The following EXT1 variants were observed in gnomAD, a reference collection of about 807,000 sequenced individuals.
EXT1 encodes the protein exostosin-1.
Under a neutral mutation model 82.5 loss-of-function variants are expected in EXT1, and 20 were observed. That is an observed-to-expected ratio of 0.24 (90% CI 0.17 to 0.35). The LOEUF (loss-of-function observed/expected upper bound fraction) is 0.35. EXT1 is among the 10% of genes least tolerant of loss of function. The pLI is 1.00. For synonymous variants in EXT1, 348 were observed against 350.8 expected (o/e 0.99, Z 0.09); for missense variants, 757 against 936.5 (o/e 0.81, Z 2.50).
chr8:117,944,268 C>T (rs559513566), intron 1 of EXT1, among the ~76,000 whole-genome samples: 2 of 152,180 alleles, frequency 1.3e-5, no homozygotes, highest in South Asian at 2.1e-4. Flanking sequence ...GGTGTGGTGG[C>T]GGGCACATGT....
At chr8:118,082,466 A>C (rs761648650) in intron 1 of EXT1, among the ~76,000 whole-genome samples, 3 of 152,164 alleles carry the variant, frequency 2.0e-5, no homozygotes, top group Non-Finnish European at 4.4e-5. Context: ...GAAAATTCTA[A>C]ATTTATTTTC....
At chr8:117,955,317 C>T (rs1814566068) in intron 1 of EXT1, among the ~76,000 whole-genome samples, 1 of 152,180 alleles carries the variant, frequency 6.6e-6, no homozygotes, top group African/African-American at 2.4e-5. Flanking sequence ...CAGCCCCTCT[C>T]TCCTCCCTGG....
At chr8:118,059,109 T>G (rs1816841283) in intron 1 of EXT1, among the ~76,000 whole-genome samples, 1 of 152,196 alleles carries the variant, frequency 6.6e-6, no homozygotes, top group Non-Finnish European at 1.5e-5. Flanking sequence ...TACACCTACT[T>G]TGGCCTGGCC....
In EXT1 at chr8:117,970,951, T is replaced by G. The variant is rs1814927317; in HGVS notation, c.963-133750A>C. Among the ~76,000 whole-genome samples the G allele has an allele frequency of 2.0e-5, 3 of 152,034 alleles. No homozygotes were observed. In the South Asian group the frequency reaches 6.2e-4, roughly 32 times the overall value. ...ACAGGATTCTCAAGAGGATGAGAAATCTCAGGGGGGTTACCTAGCATGATT... is the reference window on the plus strand; with the variant it reads ...ACAGGATTCTCAAGAGGATGAGAAAGCTCAGGGGGGTTACCTAGCATGATT... On this transcript the variant is annotated intron_variant, in intron 1 of 10. Transcript: ENST00000378204.
chr8:117,854,243 C>G (rs1452233362), intron 1 of EXT1, among the ~76,000 whole-genome samples: 1 of 152,212 alleles, frequency 6.6e-6, no homozygotes, highest in African/African-American at 2.4e-5. Context: ...TGGGCTTCAT[C>G]CAGCAAAGAC....
At chr8:117,820,596 G>A (rs1044300438) in intron 5 of EXT1, among the ~76,000 whole-genome samples, 2 of 152,014 alleles carry the variant, frequency 1.3e-5, no homozygotes, top group Non-Finnish European at 2.9e-5. Flanking sequence ...GCTGAAGCAG[G>A]AGAATTGCTT....
chr8:117,919,307 T>A (rs999178101), intron 1 of EXT1, among the ~76,000 whole-genome samples: 1 of 151,548 alleles, frequency 6.6e-6, no homozygotes, highest in Admixed American at 6.6e-5. Flanking sequence ...CACCTCAGCC[T>A]CCAGAACAGC....
intron 1 of EXT1, among the ~76,000 whole-genome samples, chr8:118,023,155 A>AT (rs1816141971): frequency 6.6e-6 from 1 of 152,250 alleles, no homozygotes; most frequent in South Asian, 2.1e-4. Context: ...TTAGGATGAA[A>AT]TAGAATAAAG....
chr8:117,942,204 T>A (rs932094854), intron 1 of EXT1, among the ~76,000 whole-genome samples: 3 of 152,316 alleles, frequency 2.0e-5, no homozygotes, highest in African/African-American at 7.2e-5. Flanking sequence ...GTAACCCAAA[T>A]GAATCAGACC....
At chr8:117,841,048 C>G (rs1238979718) in intron 1 of EXT1, among the ~76,000 whole-genome samples, 1 of 152,152 alleles carries the variant, frequency 6.6e-6, no homozygotes, top group South Asian at 2.1e-4. Flanking sequence ...CCATATGACC[C>G]AGTAATTGCA....
intron 1 of EXT1, among the ~76,000 whole-genome samples, chr8:117,891,830 G>A (rs1419921099): frequency 1.6e-5 from 2 of 126,562 alleles, no homozygotes; most frequent in Admixed American, 1.0e-4. Flanking sequence ...TTTTTGAGAC[G>A]GAGGCTTGCT....
chr8:118,088,839 G>A (rs961460983), intron 1 of EXT1, among the ~76,000 whole-genome samples: 27 of 152,170 alleles, frequency 1.8e-4, no homozygotes, highest in African/African-American at 6.3e-4. Flanking sequence ...CAGTTTGAAA[G>A]CACCGTGTGA....
chr8:117,936,078 T>C (rs1375649241), intron 1 of EXT1, among the ~76,000 whole-genome samples: 2 of 152,200 alleles, frequency 1.3e-5, no homozygotes, highest in Non-Finnish European at 2.9e-5. Flanking sequence ...ACAAATTCCA[T>C]ATTCACTCAA....
intron 1 of EXT1, among the ~76,000 whole-genome samples, chr8:118,005,732 A>G (rs1815761594): frequency 6.6e-6 from 1 of 152,230 alleles, no homozygotes; most frequent in African/African-American, 2.4e-5. Context: ...TTTTTCTTCT[A>G]CGTCACATGT....
intron 1 of EXT1, among the ~76,000 whole-genome samples, chr8:117,973,800 A>AGAAGG (rs1814997019): frequency 2.3e-5 from 1 of 43,304 alleles, no homozygotes; most frequent in African/African-American, 9.2e-5. Context: ...AAAAGAAAAG[A>AGAAGG]GAAAGGAAAG....
At chr8:118,079,709 AG>A (rs1817277032) in intron 1 of EXT1, among the ~76,000 whole-genome samples, 1 of 150,146 alleles carries the variant, frequency 6.7e-6, no homozygotes, top group East Asian at 2.0e-4. Context: ...GGAAGGCCAA[AG>A]ACCCTAGTCA....
intron 1 of EXT1, among the ~76,000 whole-genome samples, chr8:118,039,580 A>AAAC (rs1816491116): frequency 7.2e-6 from 1 of 138,494 alleles, no homozygotes; most frequent in Non-Finnish European, 1.6e-5. Flanking sequence ...AAAAAAAAAA[A>AAAC]ATAAGATCCA....
intron 7 of EXT1, among the ~76,000 whole-genome samples, chr8:117,814,197 G>A (rs2129724257): frequency 6.6e-6 from 1 of 151,734 alleles, no homozygotes; most frequent in Non-Finnish European, 1.5e-5. Context: ...GGGCAGTTCT[G>A]GAATAAGGAA....
intron 1 of EXT1, among the ~76,000 whole-genome samples, chr8:117,896,080 A>C (rs1813330627): frequency 6.6e-6 from 1 of 152,208 alleles, no homozygotes; most frequent in East Asian, 1.9e-4. Context: ...AGAATTGATA[A>C]CATTTGTGGG....
Sources: allele counts gnomAD v4.1 joint callset (sites outside exome capture counted in the v4.1 genomes callset), GRCh38; gene constraint gnomAD v4.1.1; transcripts MANE v1.5; gene names NCBI Gene and HGNC (gene_info 2026-07-23, HGNC 2026-07-21).